Variants in NCAM1 observed in about 807,000 individuals in gnomAD.
The protein encoded by NCAM1 is antigen recognized by monoclonal antibody 5.1H11.
NCAM1 carries 14 observed loss-of-function variants against 109.8 expected under a neutral mutation model. The observed-to-expected ratio is 0.13, with a 90% CI of 0.08 to 0.20. The LOEUF (loss-of-function observed/expected upper bound fraction) is 0.20, where lower values mean the gene tolerates loss of function less well. Ranked by LOEUF, NCAM1 falls within the 10% of genes least tolerant of loss-of-function variation. NCAM1 has a pLI of 1.00. For missense variants in NCAM1, 774 were observed against 1,109.9 expected, an observed-to-expected ratio of 0.70 and a Z score of 4.30; for synonymous variants, 418 against 442.9, an observed-to-expected ratio of 0.94 and a Z score of 0.70.
chr11:112,984,023 CT>C (rs782790220), intron 1 of NCAM1, among the ~76,000 whole-genome samples: 1 of 151,864 alleles, frequency 6.6e-6, no homozygotes. Flanking sequence ...ATAATTGCAA[CT>C]TTGTACCCTT....
intron 1 of NCAM1, among the ~76,000 whole-genome samples, chr11:113,042,285 C>A (rs1006749387): frequency 1.3e-5 from 2 of 152,154 alleles, no homozygotes; most frequent in East Asian, 3.9e-4. Context: ...CTCCTGACTC[C>A]CTGCCCCTGC....
intron 1 of NCAM1, among the ~76,000 whole-genome samples, chr11:113,084,098 AG>A (rs1176210656): frequency 6.6e-6 from 1 of 152,172 alleles, no homozygotes; most frequent in Admixed American, 6.5e-5. Flanking sequence ...AGATCTTGGT[AG>A]GAAACCTCCA....
At chr11:113,002,675 G>A (rs1555072650) in intron 1 of NCAM1, among the ~76,000 whole-genome samples, 1 of 152,138 alleles carries the variant, frequency 6.6e-6, no homozygotes, top group African/African-American at 2.4e-5. Context: ...ATAATGGAGG[G>A]AAAGGAAGTC....
At chr11:113,070,813 C>G (rs1358285744) in intron 1 of NCAM1, among the ~76,000 whole-genome samples, 1 of 152,084 alleles carries the variant, frequency 6.6e-6, no homozygotes, top group African/African-American at 2.4e-5. Flanking sequence ...AAGGCAGGAG[C>G]TAGGTGCTTG....
chr11:113,013,308 C>T (rs1488040865), intron 1 of NCAM1, among the ~76,000 whole-genome samples: 1 of 151,610 alleles, frequency 6.6e-6, no homozygotes, highest in Non-Finnish European at 1.5e-5. Flanking sequence ...TGCCTATAAT[C>T]CCAGCTACCC....
chr11:113,251,180 G>A (rs560984200), intron 15 of NCAM1, among the ~76,000 whole-genome samples: 42 of 152,264 alleles, frequency 2.8e-4, no homozygotes, highest in African/African-American at 8.9e-4. Flanking sequence ...CTTGGTGCTC[G>A]GGCTCCTTTG....
chr11:113,184,691 A>G (rs982429123), intron 1 of NCAM1, among the ~76,000 whole-genome samples: 1 of 152,116 alleles, frequency 6.6e-6, no homozygotes, highest in African/African-American at 2.4e-5. Flanking sequence ...AGCTTTGGAC[A>G]TGACTCACAC....
chr11:113,008,531 C>T (rs1356589988), intron 1 of NCAM1, among the ~76,000 whole-genome samples: 2 of 152,140 alleles, frequency 1.3e-5, no homozygotes, highest in Non-Finnish European at 2.9e-5. Context: ...TGCAAATTAT[C>T]CCCCTAAATG....
intron 1 of NCAM1, among the ~76,000 whole-genome samples, chr11:112,967,991 C>A (rs11214439): frequency 0.11 from 16,821 of 152,216 alleles, 1,103 homozygotes; most frequent in East Asian, 0.32. Flanking sequence ...AAGTCCCAGT[C>A]CCCCAGAGCC....
intron 1 of NCAM1, among the ~76,000 whole-genome samples, chr11:113,073,497 G>T (rs2135587622): frequency 6.6e-6 from 1 of 152,324 alleles, no homozygotes; most frequent in Non-Finnish European, 1.5e-5. Context: ...CTCTCTGGCA[G>T]CTGCCCCACC....
At chr11:113,263,230 G>A in intron 17 of NCAM1, 2 of 1,070,874 alleles carry the variant, frequency 1.9e-6, no homozygotes, top group Non-Finnish European at 2.3e-6. Context: ...AGAAGTTTCT[G>A]CATATCTGCT....
chr11:113,197,873 A>T (rs1336428407), intron 1 of NCAM1, among the ~76,000 whole-genome samples: 1 of 152,198 alleles, frequency 6.6e-6, no homozygotes, highest in Non-Finnish European at 1.5e-5. Context: ...TAAGCACCTG[A>T]GCATCTTTTA....
At chr11:113,087,215 T>G (rs1939131598) in intron 1 of NCAM1, among the ~76,000 whole-genome samples, 1 of 152,242 alleles carries the variant, frequency 6.6e-6, no homozygotes, top group South Asian at 2.1e-4. Flanking sequence ...AGAATCATTT[T>G]TCACAGGCCG....
chr11:113,224,294 A>C (rs79969514), intron 9 of NCAM1, among the ~76,000 whole-genome samples: 1 of 152,214 alleles, frequency 6.6e-6, no homozygotes, highest in Non-Finnish European at 1.5e-5. Flanking sequence ...TATCCCGCGC[A>C]TGGCTCAGAG....
At chr11:113,270,048 C>T (rs1946231430) in intron 17 of NCAM1, 140 bp from the exon 18 acceptor site, 1 of 774,468 alleles carries the variant, frequency 1.3e-6, no homozygotes, top group African/African-American at 1.7e-5. Flanking sequence ...ATAGAAGGTC[C>T]CCAGGAAGGT....
chr11:112,974,863 T>TATCAGAG (rs782789804), intron 1 of NCAM1, among the ~76,000 whole-genome samples: 44 of 151,814 alleles, frequency 2.9e-4, no homozygotes, highest in Middle Eastern at 3.4e-3. Flanking sequence ...GAATTAGTGG[T>TATCAGAG]ATCAGAGGCT....
intron 15 of NCAM1, among the ~76,000 whole-genome samples, chr11:113,250,507 A>G (rs112187395): frequency 2.0e-5 from 3 of 152,368 alleles, no homozygotes; most frequent in African/African-American, 7.2e-5. Context: ...ATATTTGAAT[A>G]GCTAAATCAT....
chr11:113,163,383 A>G (rs1194789944), intron 1 of NCAM1, among the ~76,000 whole-genome samples: 1 of 152,232 alleles, frequency 6.6e-6, no homozygotes, highest in Non-Finnish European at 1.5e-5. Context: ...TGTTATAATA[A>G]GAACCTTTTT....
intron 1 of NCAM1, among the ~76,000 whole-genome samples, chr11:113,123,631 C>CAT (rs1941059052): frequency 1.3e-5 from 2 of 152,292 alleles, no homozygotes; most frequent in South Asian, 4.1e-4. Flanking sequence ...AGGTGGGAGA[C>CAT]ATCCAAATAC....
Sources: gnomAD v4.1 joint callset for allele counts (sites outside exome capture counted in the v4.1 genomes callset) on GRCh38, gnomAD v4.1.1 for gene constraint, MANE v1.5 for transcripts, NCBI Gene and HGNC (gene_info 2026-07-23, HGNC 2026-07-21) for gene names.